Variants in CNTN5 observed in about 807,000 individuals in gnomAD.
CNTN5 encodes contactin-5.
CNTN5 carries 77 observed loss-of-function variants against 129.1 expected under a neutral mutation model. The ratio of observed to expected loss-of-function variants is 0.60; its 90% confidence interval spans 0.50 to 0.72. CNTN5 has a LOEUF of 0.72. Among genes scored for constraint, CNTN5 ranks in the 30% least tolerant of loss-of-function variants. The pLI, the probability that CNTN5 is intolerant of heterozygous loss-of-function variation, is 0.00. For missense variants in CNTN5, 1,478 were observed against 1,328.8 expected, an observed-to-expected ratio of 1.11 and a Z score of -1.75; for synonymous variants, 509 against 465.6, an observed-to-expected ratio of 1.09 and a Z score of -1.20.
At chr11:99,939,652 G>GA (rs779849369) in intron 7 of CNTN5, among the ~76,000 whole-genome samples, 6 of 151,748 alleles carry the variant, frequency 4.0e-5, no homozygotes, top group Non-Finnish European at 7.4e-5. Context: ...ATATTTAATA[G>GA]AAAAAAATAG....
chr11:100,357,156 TA>T lies in CNTN5; in HGVS notation c.*938del, dbSNP rs1468382925. The T allele has an allele frequency of 4.0e-5, 6 of 151,782 alleles. No homozygotes were observed. Among genetic ancestry groups the T allele is most frequent in the African/African-American group, 1.4e-4 (6 of 41,406 alleles). 9.4% of individuals were successfully genotyped at this position (151,782 alleles called of 1,614,324 possible). A position where few individuals can be genotyped will look rare whatever the true frequency, so the allele number is the denominator to read the frequency against. ...TAATTGCAAAATTTTGCAAAAATTTTAAGGGCAATGAAAATTTGTTGTGCAA... is the reference window on the plus strand; with the variant it reads ...TAATTGCAAAATTTTGCAAAAATTTTAGGGCAATGAAAATTTGTTGTGCAA... On this transcript the variant is annotated 3_prime_UTR_variant, in exon 25 of 25. Transcript: ENST00000524871.
chr11:100,188,182 T>A (rs1190294111), intron 13 of CNTN5, among the ~76,000 whole-genome samples: 1 of 152,000 alleles, frequency 6.6e-6, no homozygotes, highest in African/African-American at 2.4e-5. Context: ...AGTGGCTCAC[T>A]CCTGTAATCC....
intron 18 of CNTN5, among the ~76,000 whole-genome samples, chr11:100,292,964 A>C (rs899248813): frequency 6.6e-6 from 1 of 151,918 alleles, no homozygotes; most frequent in African/African-American, 2.4e-5. Flanking sequence ...GTATTTTCAC[A>C]GTTCTTGTCC....
chr11:99,124,252 T>G (rs1311268122), intron 1 of CNTN5, among the ~76,000 whole-genome samples: 1 of 152,134 alleles, frequency 6.6e-6, no homozygotes, highest in Admixed American at 6.5e-5. Flanking sequence ...CTTTTCCTGG[T>G]TAGCTATATT....
intron 3 of CNTN5, among the ~76,000 whole-genome samples, chr11:99,695,577 A>T (rs1016255853): frequency 6.6e-6 from 1 of 152,010 alleles, no homozygotes; most frequent in Non-Finnish European, 1.5e-5. Context: ...AGAAAGAGGC[A>T]CTGGATTATG....
intron 15 of CNTN5, among the ~76,000 whole-genome samples, chr11:100,223,697 G>A (rs1949314807): frequency 6.6e-6 from 1 of 151,988 alleles, no homozygotes; most frequent in Non-Finnish European, 1.5e-5. Flanking sequence ...GTTCTTTGAT[G>A]TCATTTCAAG....
chr11:99,060,604 A>AT (rs34029255), intron 1 of CNTN5, among the ~76,000 whole-genome samples: 9,970 of 151,236 alleles, frequency 0.066, 964 homozygotes, highest in African/African-American at 0.21. Flanking sequence ...TAAAATATGG[A>AT]TTTTTTTTTC....
intron 3 of CNTN5, among the ~76,000 whole-genome samples, chr11:99,561,380 A>G (rs1688155217): frequency 6.6e-6 from 1 of 152,204 alleles, no homozygotes; most frequent in South Asian, 2.1e-4. Flanking sequence ...ATTGATATAG[A>G]TAAAAGATTA....
intron 10 of CNTN5, among the ~76,000 whole-genome samples, chr11:100,069,195 C>T (rs548350270): frequency 7.8e-4 from 119 of 152,216 alleles, no homozygotes; most frequent in Non-Finnish European, 1.5e-3. Context: ...CTCTGTCACC[C>T]AAAGTGGAAT....
At chr11:99,899,625 G>A (rs1018614793) in intron 6 of CNTN5, among the ~76,000 whole-genome samples, 1 of 151,994 alleles carries the variant, frequency 6.6e-6, no homozygotes, top group Non-Finnish European at 1.5e-5. Context: ...GATTCAGTTT[G>A]CTAGTGTTTT....
At chr11:99,652,982 G>T (rs1952216328) in intron 3 of CNTN5, among the ~76,000 whole-genome samples, 1 of 151,932 alleles carries the variant, frequency 6.6e-6, no homozygotes, top group African/African-American at 2.4e-5. Context: ...AAACCTTGGG[G>T]TAAGCTCAAC....
At chr11:99,820,855 A>C (rs762499413) in intron 4 of CNTN5, among the ~76,000 whole-genome samples, 1 of 152,246 alleles carries the variant, frequency 6.6e-6, no homozygotes, top group African/African-American at 2.4e-5. Context: ...TCAAAGATAC[A>C]TCTCGAAGGA....
chr11:99,705,262 C>T (rs1954705853), intron 3 of CNTN5, among the ~76,000 whole-genome samples: 1 of 151,302 alleles, frequency 6.6e-6, no homozygotes, highest in Non-Finnish European at 1.5e-5. Flanking sequence ...GAGATTTCTT[C>T]AAGGCCTAGT....
At chr11:100,001,143 A>T (rs1939847189) in intron 8 of CNTN5, among the ~76,000 whole-genome samples, 1 of 152,176 alleles carries the variant, frequency 6.6e-6, no homozygotes, top group Admixed American at 6.6e-5. Flanking sequence ...TAATTTCTCA[A>T]CAGAAAATGG....
chr11:100,077,712 G>A (rs1176837266), intron 13 of CNTN5, among the ~76,000 whole-genome samples: 2 of 151,942 alleles, frequency 1.3e-5, no homozygotes, highest in Non-Finnish European at 2.9e-5. Context: ...GCATGGTGGT[G>A]TACGCCTATA....
intron 3 of CNTN5, among the ~76,000 whole-genome samples, chr11:99,677,311 A>C (rs192446079): frequency 6.8e-6 from 1 of 146,056 alleles, no homozygotes; most frequent in Non-Finnish European, 1.5e-5. Flanking sequence ...GAATGCCTTT[A>C]CATGTTCATG....
At chr11:99,607,764 C>T (rs1366868736) in intron 3 of CNTN5, among the ~76,000 whole-genome samples, 1 of 127,514 alleles carries the variant, frequency 7.8e-6, no homozygotes, top group East Asian at 2.1e-4. Context: ...GAATACTATG[C>T]AGCCATAAAA....
At chr11:99,973,781 AT>A (rs1937741457) in intron 8 of CNTN5, among the ~76,000 whole-genome samples, 1 of 152,160 alleles carries the variant, frequency 6.6e-6, no homozygotes, top group African/African-American at 2.4e-5. Context: ...GATATTGAGG[AT>A]TCTAAAACTA....
intron 1 of CNTN5, among the ~76,000 whole-genome samples, chr11:99,175,978 A>C (rs1185283854): frequency 1.3e-5 from 2 of 152,102 alleles, no homozygotes; most frequent in Non-Finnish European, 1.5e-5. Context: ...CTATTATCTC[A>C]AGTCCATGGT....
Sources: allele counts gnomAD v4.1 joint callset (sites outside exome capture counted in the v4.1 genomes callset), GRCh38; gene constraint gnomAD v4.1.1; transcripts MANE v1.5; gene names NCBI Gene and HGNC (gene_info 2026-07-23, HGNC 2026-07-21).